Variants in GALNT18 observed in about 807,000 individuals in gnomAD.
GALNT18 encodes the protein polypeptide N-acetylgalactosaminyltransferase 18.
In GALNT18, 44 loss-of-function variants were observed where a neutral mutation model predicts 69.5. The observed-to-expected ratio is 0.63, with a 90% CI of 0.50 to 0.81. GALNT18 has a LOEUF of 0.81. Ranked by LOEUF, GALNT18 falls within the 40% of genes least tolerant of loss-of-function variation. The pLI is 0.00. For synonymous variants in GALNT18, 364 were observed against 318.2 expected (o/e 1.14, Z -1.53); for missense variants, 715 against 810.0 (o/e 0.88, Z 1.42).
chr11:11,520,399 C>A (rs749082449), intron 1 of GALNT18, among the ~76,000 whole-genome samples: 13 of 152,202 alleles, frequency 8.5e-5, no homozygotes, highest in Admixed American at 3.3e-4. Flanking sequence ...AGCATGCCCA[C>A]TGCACCCGTC....
chr11:11,279,658 TTATTC>T (rs755655876), intron 10 of GALNT18, among the ~76,000 whole-genome samples: 100 of 152,002 alleles, frequency 6.6e-4, no homozygotes, highest in Admixed American at 2.0e-3. Context: ...CAAACAAACA[TTATTC>T]TATTTATATA....
In GALNT18 at chr11:11,415,223, G is replaced by A. The variant is rs991466728; in HGVS notation, c.595+17398C>T. 3.9e-5 allele frequency among the ~76,000 whole-genome samples: 6 copies of A among 152,262 alleles called. No individual in the cohort carries two copies. Among genetic ancestry groups the A allele is most frequent in the East Asian group, 1.9e-4 (1 of 5,178 alleles). On this transcript the variant is annotated intron_variant, in intron 3 of 10. Coordinates refer to ENST00000227756, the MANE Select transcript of GALNT18 (RefSeq NM_198516.3). This position sits in a 1 kb window ranked among gnomAD's most constrained non-coding sequence, Gnocchi z 4.1. ...GTGATTATGTCAGGCCCAACCAACC[G>A]ATTGGGGACCTTAATTACGTCAGCC...
At position 11,340,944 on chromosome 11, in the gene GALNT18, G is replaced by A. The variant is rs553486283; in HGVS notation, c.1153C>T (p.Arg385Ter). Residue 385 changes from arginine (R) to a stop codon, truncating the protein, a stop_gained, in exon 7 of 11, where the codon CGA (arginine) becomes TGA (stop). Transcript: ENST00000227756. LOFTEE classifies it high-confidence loss of function. This position sits in a 1 kb window ranked among gnomAD's most constrained non-coding sequence, Gnocchi z 4.2. ...TCCTCTGTGTAGGGCTTGTGGGCTC[G>A]CTCAATGTGGGCAATCCGTGAGCAG... is the stretch of plus-strand genomic sequence containing the variant. Reference protein sequence around the residue: ...LPCSRIAHIERAHKPYTEDLT... With the variant: ...LPCSRIAHIE 5.6e-6 allele frequency: 9 copies of A among 1,612,784 alleles called. No individual in the cohort carries two copies. Among genetic ancestry groups the A allele is most frequent in the African/African-American group, 4.0e-5 (3 of 74,844 alleles).
chr11:11,396,129 CT>C lies in GALNT18; in HGVS notation c.596-16866del, dbSNP rs1210780121. Among the ~76,000 whole-genome samples, 1 of 152,200 alleles carries C rather than the reference CT, an allele frequency of 6.6e-6. No homozygotes were observed. The highest frequency in any genetic ancestry group is 2.4e-5 in the African/African-American group (1 of 41,448). ...GTCCCAAAGAGTTAGAGAGAAAAGTCTTTAAAGTCTGGGCAGGAAACCGAGG... is the reference window on the plus strand; with the variant it reads ...GTCCCAAAGAGTTAGAGAGAAAAGTCTTAAAGTCTGGGCAGGAAACCGAGG... On this transcript the variant is annotated intron_variant, in intron 3 of 10. Coordinates refer to ENST00000227756, the MANE Select transcript of GALNT18 (RefSeq NM_198516.3). This position sits in a 1 kb window ranked among gnomAD's most constrained non-coding sequence, Gnocchi z 5.2.
intron 3 of GALNT18, among the ~76,000 whole-genome samples, chr11:11,426,099 C>T (rs1855123894): frequency 6.6e-6 from 1 of 152,188 alleles, no homozygotes; most frequent in Admixed American, 6.5e-5. Flanking sequence ...CAGGCAGAGC[C>T]TGGTCGCTAC....
intron 5 of GALNT18, among the ~76,000 whole-genome samples, chr11:11,374,187 A>T (rs2133680360): frequency 6.6e-6 from 1 of 152,314 alleles, no homozygotes; most frequent in Admixed American, 6.5e-5. Context: ...GCTGTGGTGG[A>T]GGTAACTGAA....
At chr11:11,328,521 C>T (rs112202195) in intron 8 of GALNT18, among the ~76,000 whole-genome samples, 33 of 152,292 alleles carry the variant, frequency 2.2e-4, no homozygotes, top group African/African-American at 7.7e-4. Flanking sequence ...CAGAGGCCCA[C>T]GTGTGCTCCA....
chr11:11,341,074 C>A lies in GALNT18; in HGVS notation c.1093-70G>T. The A allele has an allele frequency of 1.4e-6, 2 of 1,442,962 alleles. No homozygotes were observed. The highest frequency in any genetic ancestry group is 9.4e-7 in the Non-Finnish European group (1 of 1,066,356). 89.4% of individuals were successfully genotyped at this position (1,442,962 alleles called of 1,614,324 possible). On this transcript the variant is annotated intron_variant, in intron 6 of 10. Transcript: ENST00000227756. This position sits in a 1 kb window ranked among gnomAD's most constrained non-coding sequence, Gnocchi z 6.3. ...CCTTTCTACACCAGGCCTCAGGCAG[C>A]CACTTGACATGAGCAGGAAGAAAGT...
At chr11:11,304,919 G>T (rs972895072) in intron 9 of GALNT18, among the ~76,000 whole-genome samples, 2 of 152,234 alleles carry the variant, frequency 1.3e-5, no homozygotes, top group African/African-American at 4.8e-5. Flanking sequence ...GCTGAATGAT[G>T]ACAACCGAGG....
chr11:11,322,345 G>A (rs923293955), intron 9 of GALNT18, among the ~76,000 whole-genome samples: 1 of 152,250 alleles, frequency 6.6e-6, no homozygotes, highest in African/African-American at 2.4e-5. Context: ...GCAGTTGGTA[G>A]AGAACTGGCA....
chr11:11,310,719 G>A (rs541855988), intron 9 of GALNT18, among the ~76,000 whole-genome samples: 5 of 152,222 alleles, frequency 3.3e-5, no homozygotes, highest in African/African-American at 1.2e-4. Context: ...CTAACCTCAA[G>A]GACTCCACCA....
chr11:11,520,912 C>A (rs1204560364), intron 1 of GALNT18, among the ~76,000 whole-genome samples: 2 of 146,240 alleles, frequency 1.4e-5, no homozygotes, highest in East Asian at 1.9e-4. Context: ...ACTAGTCCTG[C>A]ATTCCTGGCA....
rs2133853154 is a variant in GALNT18, at chr11:11,470,794, G to A, written c.236-21858C>T. On this transcript the variant is annotated intron_variant, in intron 1 of 10. Coordinates refer to ENST00000227756, the MANE Select transcript of GALNT18 (RefSeq NM_198516.3). The surrounding 1 kb of genome is among the most constrained non-coding windows in gnomAD (Gnocchi z 4.8). Reference sequence around the variant, plus strand: ...ACAGAACAGGAAGGACTGCCAGGAAGTCAGGTACCATGGTGTCTCCATGCT... The same window carrying A: ...ACAGAACAGGAAGGACTGCCAGGAAATCAGGTACCATGGTGTCTCCATGCT... Among the ~76,000 whole-genome samples, 1 of 152,282 alleles carries A rather than the reference G, an allele frequency of 6.6e-6. No individual in the cohort carries two copies. The highest frequency in any genetic ancestry group is 2.1e-4 in the South Asian group (1 of 4,816).
rs991405931 is a variant in GALNT18, at chr11:11,309,162, C to T, written c.1513-15969G>A. Reference sequence around the variant, plus strand: ...CCTTGTAAAAGGACAAGTTTAGTCCCCTCTCTAGCCCTTCTTTCTACACTT... The same window carrying T: ...CCTTGTAAAAGGACAAGTTTAGTCCTCTCTCTAGCCCTTCTTTCTACACTT... On this transcript the variant is annotated intron_variant, in intron 9 of 10. Transcript: ENST00000227756. This position sits in a 1 kb window ranked among gnomAD's most constrained non-coding sequence, Gnocchi z 4.6. 6.6e-6 allele frequency among the ~76,000 whole-genome samples: 1 copy of T among 152,120 alleles called. No individual in the cohort carries two copies. The highest frequency in any genetic ancestry group is 2.4e-5 in the African/African-American group (1 of 41,416).
chr11:11,296,211 G>T (rs570376191), intron 9 of GALNT18, among the ~76,000 whole-genome samples: 1 of 152,268 alleles, frequency 6.6e-6, no homozygotes, highest in East Asian at 1.9e-4. Context: ...AACATATCAG[G>T]AAACAATGAC....
chr11:11,349,966 G>A (rs1850370211), intron 6 of GALNT18, among the ~76,000 whole-genome samples: 1 of 152,158 alleles, frequency 6.6e-6, no homozygotes, highest in Non-Finnish European at 1.5e-5. Context: ...CTTGGAAGGT[G>A]TCCCTGAAGG....
At chr11:11,570,605 T>TC (rs1565018924) in intron 1 of GALNT18, among the ~76,000 whole-genome samples, 1 of 152,138 alleles carries the variant, frequency 6.6e-6, no homozygotes, top group Non-Finnish European at 1.5e-5. Context: ...GTCTCAAAGC[T>TC]CCCCCTGGCC....
intron 3 of GALNT18, among the ~76,000 whole-genome samples, chr11:11,388,756 C>T (rs185467570): frequency 2.0e-5 from 3 of 152,362 alleles, no homozygotes; most frequent in Admixed American, 1.3e-4. Flanking sequence ...GTGCTCAGCA[C>T]TTCAGATCAA....
chr11:11,342,184 T>C (rs1404300406), intron 6 of GALNT18, among the ~76,000 whole-genome samples: 1 of 152,148 alleles, frequency 6.6e-6, no homozygotes, highest in East Asian at 1.9e-4. Flanking sequence ...GCCAAGTACG[T>C]AGAAGTACTT....
Sources: allele counts gnomAD v4.1 joint callset (sites outside exome capture counted in the v4.1 genomes callset), GRCh38; gene constraint gnomAD v4.1.1; non-coding constraint Gnocchi (gnomAD v3.1); transcripts MANE v1.5; gene names NCBI Gene and HGNC (gene_info 2026-07-23, HGNC 2026-07-21).